ZBTB1: variants seen among roughly 807,000 people sequenced by gnomAD.
ZBTB1 encodes zinc finger and BTB domain containing 1.
Under a neutral mutation model 51.6 loss-of-function variants are expected in ZBTB1, and 13 were observed. The ratio of observed to expected loss-of-function variants is 0.25; its 90% CI spans 0.16 to 0.40. The LOEUF (loss-of-function observed/expected upper bound fraction) is 0.40. Among genes scored for constraint, ZBTB1 ranks in the 10% least tolerant of loss-of-function variants. ZBTB1 has a pLI of 1.00. For synonymous variants in ZBTB1, 240 were observed against 282.2 expected (o/e 0.85, Z 1.50); for missense variants, 567 against 856.5 (o/e 0.66, Z 4.22).
intron 2 of ZBTB1, among the ~76,000 whole-genome samples, chr14:64,531,247 T>A (rs1566639435): frequency 6.6e-6 from 1 of 152,122 alleles, no homozygotes; most frequent in Non-Finnish European, 1.5e-5. Flanking sequence ...TTAAAAAATT[T>A]TAAAAAAATT....
At position 64,524,918 on chromosome 14, in the gene ZBTB1, C is replaced by T; in HGVS notation, c.*1272C>T. ...CATGTGAATTAAAACATTGGCAAAA[C>T]TGACCCACCAATAAACACATCTATT... On this transcript the variant is annotated 3_prime_UTR_variant, in exon 2 of 2. Transcript: ENST00000683701. 1.0e-6 allele frequency: 1 copy of T among 985,348 alleles called. No homozygotes were observed. Among genetic ancestry groups the T allele is most frequent in the Non-Finnish European group, 1.2e-6 (1 of 829,912 alleles). 61.0% of individuals were successfully genotyped at this position (985,348 alleles called of 1,614,324 possible).
At chr14:64,515,156 T>G (rs1274864931) in intron 1 of ZBTB1, among the ~76,000 whole-genome samples, 2 of 152,222 alleles carry the variant, frequency 1.3e-5, no homozygotes, top group Admixed American at 1.3e-4. Context: ...CCTTCTAGCC[T>G]TAGTGTAACT....
intron 1 of ZBTB1, among the ~76,000 whole-genome samples, chr14:64,509,980 T>TAA (rs368681831): frequency 3.4e-4 from 46 of 133,372 alleles, no homozygotes; most frequent in Middle Eastern, 4.0e-3. Flanking sequence ...CCGTCTCAAT[T>TAA]AAAAAAAAAA....
chr14:64,529,187 T>C (rs1264220020), downstream of ZBTB1, among the ~76,000 whole-genome samples: 1 of 152,206 alleles, frequency 6.6e-6, no homozygotes, highest in Non-Finnish European at 1.5e-5. Context: ...CTTAAAACAG[T>C]TAGTGGTACT....
chr14:64,504,334 C>A (rs570261504), upstream of ZBTB1, among the ~76,000 whole-genome samples: 3 of 151,620 alleles, frequency 2.0e-5, no homozygotes, highest in East Asian at 5.9e-4. Flanking sequence ...CGAGGCGGAC[C>A]GCGAGTGACG....
At chr14:64,503,820 C>G (rs1454973855), upstream of ZBTB1, 3 of 159,418 alleles carry the variant, frequency 1.9e-5, no homozygotes, top group East Asian at 5.8e-4. Context: ...GACCGCGTGT[C>G]TGGTAGCAGG....
At chr14:64,509,158 T>G (rs2079696653) in intron 1 of ZBTB1, among the ~76,000 whole-genome samples, 4 of 152,090 alleles carry the variant, frequency 2.6e-5, no homozygotes, top group Non-Finnish European at 5.9e-5. Flanking sequence ...TTGTTTGATC[T>G]CAGGAGTTTG....
intron 1 of ZBTB1, among the ~76,000 whole-genome samples, chr14:64,516,237 CAG>C (rs2079784544): frequency 6.6e-6 from 1 of 152,066 alleles, no homozygotes; most frequent in Non-Finnish European, 1.5e-5. Context: ...GCCTGGGTAA[CAG>C]AGTAAGACCC....
rs74056440 is a variant in ZBTB1 at position 64,506,703 on chromosome 14, T to C, written c.-19+1757T>C. ...CTCCATTAATACCACATTTTCATGG[T>C]ATTGAATAACTCAGGTTGAACAGTC... On this transcript the variant is annotated intron_variant, in intron 1 of 1. Transcript: ENST00000683701. Among the ~76,000 whole-genome samples, 1,282 of 152,344 alleles carry C rather than the reference T, an allele frequency of 8.4e-3. 14 individuals are homozygous for C. Among genetic ancestry groups the C allele is most frequent in the African/African-American group, 0.029 (1,201 of 41,566 alleles).
At chr14:64,504,597 A>G (rs1596678657), upstream of ZBTB1, 1 of 257,556 alleles carries the variant, frequency 3.9e-6, no homozygotes, top group East Asian at 7.0e-5. Flanking sequence ...TGCAACAAAC[A>G]GGCGACCGCG....
At chr14:64,533,568 G>A (rs540718661) in exon 3 of ZBTB1, 5 of 152,506 alleles carry the variant, frequency 3.3e-5, no homozygotes, top group Middle Eastern at 3.4e-3. Flanking sequence ...ATTCTACAAT[G>A]TGATTATTTT....
intron 1 of ZBTB1, among the ~76,000 whole-genome samples, chr14:64,510,247 T>C (rs1447932269): frequency 6.6e-6 from 1 of 152,220 alleles, no homozygotes; most frequent in Non-Finnish European, 1.5e-5. Flanking sequence ...TAGAAAGGAT[T>C]ACCATCCCTT....
chr14:64,517,782 T>TATTTTG (rs1491377695), intron 1 of ZBTB1, among the ~76,000 whole-genome samples: 8 of 34,804 alleles, frequency 2.3e-4, no homozygotes, highest in South Asian at 9.1e-4. Context: ...TATATATATA[T>TATTTTG]TTTTTTTTTT....
At chr14:64,520,532 C>G (rs145032512) in intron 1 of ZBTB1, among the ~76,000 whole-genome samples, 162 of 152,076 alleles carry the variant, frequency 1.1e-3, no homozygotes, top group African/African-American at 3.7e-3. Context: ...TGCTATGTTG[C>G]CCAGGCTTAA....
At chr14:64,504,488 C>G (rs1477098509), upstream of ZBTB1, 1 of 159,280 alleles carries the variant, frequency 6.3e-6, no homozygotes, top group African/African-American at 2.4e-5. Flanking sequence ...CAAGCCTACC[C>G]TTGAGAGGGG....
At chr14:64,505,185 G>A (rs1376889675) in intron 1 of ZBTB1, 3 of 327,092 alleles carry the variant, frequency 9.2e-6, no homozygotes, top group African/African-American at 2.2e-5. Context: ...CCCCTACGGA[G>A]ACTAGTTCCC....
Position 64,523,980 on chromosome 14 carries a change from G to GT in ZBTB1, c.*335dup. On this transcript the variant is annotated 3_prime_UTR_variant, in exon 2 of 2. Transcript: ENST00000683701. The surrounding 1 kb of genome is among the most constrained non-coding windows in gnomAD (Gnocchi z 4.5). ...AAGGTGATGACTTCACTATTTCTAT[G>GT]TGTTTTTTTTTTTTTAAGGTTATCC... 1.0e-6 allele frequency: 1 copy of GT among 994,980 alleles called. No homozygotes were observed. 61.6% of individuals were successfully genotyped at this position (994,980 alleles called of 1,614,324 possible). A position where few individuals can be genotyped will look rare whatever the true frequency, so the allele number is the denominator to read the frequency against.
At chr14:64,505,717 A>G (rs1180834459) in intron 1 of ZBTB1, among the ~76,000 whole-genome samples, 1 of 152,188 alleles carries the variant, frequency 6.6e-6, no homozygotes, top group Non-Finnish European at 1.5e-5. Flanking sequence ...GACATTTTCT[A>G]AATTGGGCGA....
chr14:64,522,119 A>G lies in ZBTB1; in HGVS notation c.615A>G (p.Lys205=). The part of the protein sequence containing the change: ...KSSVSKLSTP[K]ERVSRRFGRS... Reference sequence around the variant, plus strand: ...CCGTGTCCAAATTATCTACTCCAAAAGAACGTGTGTCAAGACGCTTTGGGC... The same window carrying G: ...CCGTGTCCAAATTATCTACTCCAAAGGAACGTGTGTCAAGACGCTTTGGGC... The change falls in exon 2 of 2, where the codon AAA becomes AAG. Residue 205 remains lysine, a synonymous_variant. Coordinates refer to ENST00000683701, the MANE Select transcript of ZBTB1 (RefSeq NM_001123329.2). 1.9e-6 allele frequency: 3 copies of G among 1,614,230 alleles called. No individual in the cohort carries two copies. The highest frequency in any genetic ancestry group is 2.5e-6 in the Non-Finnish European group (3 of 1,180,038).
Sources: allele counts gnomAD v4.1 joint callset (sites outside exome capture counted in the v4.1 genomes callset), GRCh38; gene constraint gnomAD v4.1.1; non-coding constraint Gnocchi (gnomAD v3.1); transcripts MANE v1.5; gene names NCBI Gene and HGNC (gene_info 2026-07-23, HGNC 2026-07-21).